The following PARP15 variants were observed in gnomAD, a reference collection of about 807,000 sequenced individuals.
PARP15 encodes the protein protein mono-ADP-ribosyltransferase PARP15.
PARP15 carries 50 observed loss-of-function variants against 62.1 expected under a neutral mutation model. The observed-to-expected ratio is 0.81, with a 90% confidence interval of 0.64 to 1.02. The LOEUF (loss-of-function observed/expected upper bound fraction) is 1.02. Among genes scored for constraint, PARP15 ranks in the 50% least tolerant of loss-of-function variants. The pLI is 0.00. For synonymous variants in PARP15, 309 were observed against 293.1 expected, an observed-to-expected ratio of 1.05 and a Z score of -0.55; for missense variants, 820 against 826.5, an observed-to-expected ratio of 0.99 and a Z score of 0.10.
chr3:122,592,759 G>C (rs1456031812), intron 1 of PARP15, among the ~76,000 whole-genome samples: 1 of 152,146 alleles, frequency 6.6e-6, no homozygotes, highest in African/African-American at 2.4e-5. Context: ...CTCACTTTCT[G>C]GGTGAGGAAA....
At chr3:122,612,397 T>C (rs895961338) in intron 3 of PARP15, among the ~76,000 whole-genome samples, 35 of 151,896 alleles carry the variant, frequency 2.3e-4, no homozygotes, top group African/African-American at 8.0e-4. Context: ...CAATATTCTC[T>C]TTAAACATTT....
intron 6 of PARP15, among the ~76,000 whole-genome samples, chr3:122,619,097 G>A (rs544402248): frequency 3.9e-5 from 6 of 152,040 alleles, no homozygotes; most frequent in African/African-American, 7.3e-5. Context: ...TCTGCATGCC[G>A]GCTTCTGTGC....
chr3:122,624,075 C>T (rs1365914062), intron 8 of PARP15, among the ~76,000 whole-genome samples: 5 of 151,486 alleles, frequency 3.3e-5, no homozygotes, highest in Non-Finnish European at 4.4e-5. Context: ...CACTTGAATT[C>T]GGGAGGCAGA....
At chr3:122,594,664 CTA>C in intron 1 of PARP15, 1 of 917,816 alleles carries the variant, frequency 1.1e-6, no homozygotes, top group Non-Finnish European at 1.3e-6. Flanking sequence ...GTTATCGCCT[CTA>C]AATCAAATTA....
At chr3:122,589,535 T>C (rs112282823) in intron 1 of PARP15, among the ~76,000 whole-genome samples, 3 of 152,372 alleles carry the variant, frequency 2.0e-5, no homozygotes, top group African/African-American at 7.2e-5. Flanking sequence ...ATTTTATATT[T>C]CCACCAGCAA....
intron 8 of PARP15, among the ~76,000 whole-genome samples, chr3:122,625,702 A>T (rs1041847098): frequency 5.3e-5 from 8 of 152,234 alleles, no homozygotes; most frequent in Non-Finnish European, 8.8e-5. Context: ...GAAGACAGCC[A>T]TCTACGGGTC....
In PARP15 at chr3:122,626,968, A is replaced by G. The variant is rs199803094; in HGVS notation, c.1373A>G (p.Asp458Gly). ...FQPELLNIFY[D>G]SMKKRDLSAS... Reference sequence around the variant, plus strand: ...CCTGAGCTGCTAAATATATTCTACGACAGCATGAAAAAAAGAGACCTCTCT... The same window carrying G: ...CCTGAGCTGCTAAATATATTCTACGGCAGCATGAAAAAAAGAGACCTCTCT... The change falls in exon 9 of 12, where the codon GAC becomes GGC. Residue 458 changes from aspartate (D) to glycine (G), a missense_variant. Transcript: ENST00000464300. 3.0e-5 allele frequency: 49 copies of G among 1,613,868 alleles called. No homozygotes were observed. Among genetic ancestry groups the G allele is most frequent in the Non-Finnish European group, 4.0e-5 (47 of 1,179,982 alleles).
intron 10 of PARP15, among the ~76,000 whole-genome samples, chr3:122,634,308 C>T (rs1576553669): frequency 6.6e-6 from 1 of 152,088 alleles, no homozygotes; most frequent in African/African-American, 2.4e-5. Context: ...GTCTTGCCCA[C>T]CACCCCCATG....
intron 9 of PARP15, among the ~76,000 whole-genome samples, chr3:122,628,222 T>C (rs758005055): frequency 6.6e-6 from 1 of 152,176 alleles, no homozygotes. Flanking sequence ...GGAACAGAGC[T>C]CTTTTAAGCG....
intron 1 of PARP15, among the ~76,000 whole-genome samples, chr3:122,592,591 A>T (rs1934010949): frequency 6.7e-6 from 1 of 148,442 alleles, no homozygotes. Context: ...GTACCACAGA[A>T]CTTAAAATAA....
chr3:122,619,046 A>G (rs1258369855), intron 6 of PARP15, among the ~76,000 whole-genome samples: 1 of 152,250 alleles, frequency 6.6e-6, no homozygotes, highest in African/African-American at 2.4e-5. Flanking sequence ...AGATATAGAT[A>G]TCTTCATAAT....
chr3:122,609,970 G>C (rs1374019718), intron 2 of PARP15, among the ~76,000 whole-genome samples: 1 of 152,174 alleles, frequency 6.6e-6, no homozygotes, highest in African/African-American at 2.4e-5. Context: ...CCTTTGCCAA[G>C]GCCTTCAGGG....
At position 122,594,586 on chromosome 3, in the gene PARP15, G is replaced by A. The variant is rs1334865962; in HGVS notation, c.187-11350G>A. On this transcript the variant is annotated intron_variant, in intron 1 of 11. Transcript: ENST00000464300. ...GGTAAGTTGAAATTGATATAGGGTA[G>A]GGGAGGTTGAAATTGACGTTGTGAA... 5 of 969,194 alleles carry A rather than the reference G, an allele frequency of 5.2e-6. No individual in the cohort carries two copies. In the Admixed American group the frequency reaches 2.5e-4, roughly 48 times the overall value. The allele number at this position is 969,194 out of a possible 1,614,324, so 60.0% of individuals were successfully genotyped here.
At chr3:122,633,830 G>A (rs1172070949) in intron 10 of PARP15, among the ~76,000 whole-genome samples, 1 of 152,172 alleles carries the variant, frequency 6.6e-6, no homozygotes. Flanking sequence ...CACAATATCT[G>A]TGACTTTCTT....
intron 9 of PARP15, among the ~76,000 whole-genome samples, chr3:122,631,036 T>C (rs983543641): frequency 2.0e-5 from 3 of 152,156 alleles, no homozygotes; most frequent in Admixed American, 6.5e-5. Context: ...ATGAAAGGAA[T>C]AGAAGGCCCC....
chr3:122,584,574 C>CTTT lies in PARP15; in HGVS notation c.186+6733_186+6735dup, dbSNP rs1295988177. Among the ~76,000 whole-genome samples, 18 of 136,654 alleles carry CTTT rather than the reference C, an allele frequency of 1.3e-4. 1 individual carries two copies. Among genetic ancestry groups the CTTT allele is most frequent in the East Asian group, 4.1e-4 (2 of 4,824 alleles). The allele number at this position is 136,654 out of a possible 152,430, so 89.7% of individuals were successfully genotyped here. A position where few individuals can be genotyped will look rare whatever the true frequency, so the allele number is the denominator to read the frequency against. ...AAGGAAATATTCATCCATTTCTTTC[C>CTTT]TTTTTTTTTTTTTTCCGAGATGGAG... On this transcript the variant is annotated intron_variant, in intron 1 of 11. Transcript: ENST00000464300.
chr3:122,594,831 A>G (rs891815153), intron 1 of PARP15: 2 of 983,028 alleles, frequency 2.0e-6, no homozygotes, highest in African/African-American at 3.5e-5. Context: ...GGAACAGACA[A>G]CAACCATTAA....
chr3:122,590,437 T>A (rs1933812108), intron 1 of PARP15, among the ~76,000 whole-genome samples: 1 of 151,494 alleles, frequency 6.6e-6, no homozygotes, highest in South Asian at 2.1e-4. Flanking sequence ...CACGCCCAAC[T>A]AATTTTTTTT....
intron 4 of PARP15, chr3:122,615,353 T>C: frequency 7.7e-7 from 1 of 1,293,048 alleles, no homozygotes; most frequent in Middle Eastern, 2.1e-4. Flanking sequence ...CCCCAGAATG[T>C]ACCTAACAGC....
Sources: allele counts gnomAD v4.1 joint callset (sites outside exome capture counted in the v4.1 genomes callset), GRCh38; gene constraint gnomAD v4.1.1; transcripts MANE v1.5; gene names NCBI Gene and HGNC (gene_info 2026-07-23, HGNC 2026-07-21).